ANKS1B: variants seen among roughly 807,000 people sequenced by gnomAD.
The protein encoded by ANKS1B is ankyrin repeat and sterile alpha motif domain containing 1B, also known as ankyrin repeat and sterile alpha motif domain-containing protein 1B.
ANKS1B carries 36 observed loss-of-function variants against 148.3 expected under a neutral mutation model. That is an observed-to-expected ratio of 0.24 (90% CI 0.19 to 0.32). ANKS1B has a LOEUF of 0.32. Among genes scored for constraint, ANKS1B ranks in the 10% least tolerant of loss-of-function variants. The pLI, the probability that ANKS1B is intolerant of heterozygous loss-of-function variation, is 1.00. For missense variants in ANKS1B, 1,157 were observed against 1,542.6 expected (o/e 0.75, Z 4.19); for synonymous variants, 542 against 560.8 (o/e 0.97, Z 0.47).
At chr12:99,836,900 T>C (rs1267789271) in intron 1 of ANKS1B, among the ~76,000 whole-genome samples, 1 of 152,190 alleles carries the variant, frequency 6.6e-6, no homozygotes, top group East Asian at 1.9e-4. Context: ...GTAACAATAA[T>C]TCCAGGGTAC....
At chr12:98,893,610 A>G (rs2099757260) in intron 17 of ANKS1B, 1 of 150,076 alleles carries the variant, frequency 6.7e-6, no homozygotes, top group Non-Finnish European at 1.5e-5. Context: ...GAGTCCACAG[A>G]GCAAGTATCC....
At chr12:98,881,366 T>C (rs1379285303) in intron 17 of ANKS1B, among the ~76,000 whole-genome samples, 3 of 152,188 alleles carry the variant, frequency 2.0e-5, no homozygotes, top group Non-Finnish European at 4.4e-5. Flanking sequence ...GAATGAGGCA[T>C]TTAATTAGTG....
intron 17 of ANKS1B, among the ~76,000 whole-genome samples, chr12:98,913,702 A>G (rs1230137034): frequency 1.3e-5 from 2 of 152,140 alleles, no homozygotes; most frequent in Non-Finnish European, 2.9e-5. Context: ...ATCTCAGCTC[A>G]CTACAACTTC....
chr12:99,096,880 G>A (rs1222065847), intron 15 of ANKS1B: 3 of 152,104 alleles, frequency 2.0e-5, no homozygotes, highest in African/African-American at 4.8e-5. Context: ...GCATCATGAA[G>A]TCCCTCATAT....
chr12:99,246,966 T>C (rs890438514), intron 12 of ANKS1B, 102 bp from the exon 13 acceptor site: 4 of 884,590 alleles, frequency 4.5e-6, no homozygotes, highest in Admixed American at 2.4e-5. Context: ...AACATTTCAT[T>C]TACTGCTACA....
rs1021644726 is a variant in ANKS1B, at chr12:99,223,932, C to T, written c.2419+20410G>A. 2.6e-5 allele frequency among the ~76,000 whole-genome samples: 4 copies of T among 152,308 alleles called. No homozygotes were observed. The East Asian group carries it at 7.7e-4, about 29-fold the overall frequency. On this transcript the variant is annotated intron_variant, in intron 14 of 26. Transcript: ENST00000683438. ...CATGAGTGAGCACTTCGTTGTCATA[C>T]TTCATTGTCCTGGAATTTCTCTGTT...
intron 12 of ANKS1B, among the ~76,000 whole-genome samples, chr12:99,312,302 A>T (rs1284351329): frequency 6.6e-6 from 1 of 152,170 alleles, no homozygotes; most frequent in Non-Finnish European, 1.5e-5. Context: ...AGTGAATAAC[A>T]TTGTTCTTTT....
At chr12:99,820,529 G>A (rs773949919) in intron 2 of ANKS1B, among the ~76,000 whole-genome samples, 9 of 151,884 alleles carry the variant, frequency 5.9e-5, no homozygotes, top group Non-Finnish European at 1.2e-4. Flanking sequence ...CAACAACAGC[G>A]ACAAACATGG....
intron 1 of ANKS1B, among the ~76,000 whole-genome samples, chr12:99,963,325 T>G (rs2095441552): frequency 6.6e-6 from 1 of 152,226 alleles, no homozygotes; most frequent in Non-Finnish European, 1.5e-5. Flanking sequence ...GATGATAGTT[T>G]CTTTCATTGT....
intron 17 of ANKS1B, among the ~76,000 whole-genome samples, chr12:99,038,123 A>G (rs1438870799): frequency 1.3e-5 from 2 of 152,180 alleles, no homozygotes; most frequent in African/African-American, 4.8e-5. Flanking sequence ...GATCATAATG[A>G]TTATCAGTAG....
intron 8 of ANKS1B, among the ~76,000 whole-genome samples, chr12:99,681,616 A>G (rs1464559134): frequency 1.3e-5 from 2 of 152,186 alleles, no homozygotes; most frequent in African/African-American, 4.8e-5. Flanking sequence ...GCTGTCAGGA[A>G]GCCCCATTCC....
intron 17 of ANKS1B, among the ~76,000 whole-genome samples, chr12:98,843,122 C>T (rs960240973): frequency 7.2e-5 from 11 of 152,196 alleles, no homozygotes; most frequent in Admixed American, 2.0e-4. Flanking sequence ...ATCACATCAA[C>T]AGTGCTATGA....
chr12:99,311,412 G>T (rs1255599327), intron 12 of ANKS1B, among the ~76,000 whole-genome samples: 1 of 152,150 alleles, frequency 6.6e-6, no homozygotes, highest in Non-Finnish European at 1.5e-5. Context: ...AAGTGCATTT[G>T]TATCAAAAGA....
intron 10 of ANKS1B, among the ~76,000 whole-genome samples, chr12:99,501,185 T>A (rs1323618041): frequency 6.6e-6 from 1 of 152,160 alleles, no homozygotes; most frequent in East Asian, 1.9e-4. Context: ...AATGGCACAG[T>A]CATTGTATAG....
chr12:98,827,778 T>C (rs566372173), intron 19 of ANKS1B, among the ~76,000 whole-genome samples: 28 of 152,160 alleles, frequency 1.8e-4, no homozygotes, highest in Non-Finnish European at 3.5e-4. Flanking sequence ...TAAAGAACTA[T>C]ACTCCCTTAC....
At chr12:99,173,380 C>G (rs909683215) in intron 14 of ANKS1B, among the ~76,000 whole-genome samples, 4 of 152,082 alleles carry the variant, frequency 2.6e-5, no homozygotes, top group Non-Finnish European at 5.9e-5. Flanking sequence ...CTTCATTTTT[C>G]CAGCAATCGT....
chr12:99,346,780 A>G (rs1311482728), intron 12 of ANKS1B, among the ~76,000 whole-genome samples: 1 of 151,822 alleles, frequency 6.6e-6, no homozygotes, highest in Non-Finnish European at 1.5e-5. Context: ...GTTGTTTAAA[A>G]TGTGTAGCAC....
chr12:98,833,163 G>A (rs1187406016), intron 17 of ANKS1B, among the ~76,000 whole-genome samples: 1 of 152,076 alleles, frequency 6.6e-6, no homozygotes, highest in Non-Finnish European at 1.5e-5. Flanking sequence ...CTTTACCAGG[G>A]CCACACCCCT....
chr12:99,136,312 A>G (rs1181632975), intron 15 of ANKS1B, among the ~76,000 whole-genome samples: 1 of 152,130 alleles, frequency 6.6e-6, no homozygotes, highest in Non-Finnish European at 1.5e-5. Flanking sequence ...TTGGATGCTG[A>G]GGACTTCAGC....
Sources: gnomAD v4.1 joint callset for allele counts (sites outside exome capture counted in the v4.1 genomes callset) on GRCh38, gnomAD v4.1.1 for gene constraint, MANE v1.5 for transcripts, NCBI Gene and HGNC (gene_info 2026-07-23, HGNC 2026-07-21) for gene names.